Variants in RBM11 observed in about 807,000 individuals in gnomAD.
RBM11 encodes the protein RNA binding motif protein 11.
In RBM11, 18 loss-of-function variants were observed where a neutral mutation model predicts 21.4. The ratio of observed to expected loss-of-function variants is 0.84; its 90% CI spans 0.58 to 1.25. The LOEUF is 1.25. RBM11 is among the 50% of genes most tolerant of loss of function. The pLI, the probability that RBM11 is intolerant of heterozygous loss-of-function variation, is 0.00. For synonymous variants in RBM11, 120 were observed against 116.3 expected, an observed-to-expected ratio of 1.03 and a Z score of -0.20; for missense variants, 294 against 331.9, an observed-to-expected ratio of 0.89 and a Z score of 0.89.
rs1393985895 is a variant in RBM11 at position 14,228,301 on chromosome 21, T to A, written c.*1008T>A. On this transcript the variant is annotated 3_prime_UTR_variant, in exon 5 of 5. Transcript: ENST00000400577. Reference sequence around the variant, plus strand: ...CAATAGTAAAAGCCATGCTTGGATGTTTCTTTTGCATGTTGCCTAGCATTT... The same window carrying A: ...CAATAGTAAAAGCCATGCTTGGATGATTCTTTTGCATGTTGCCTAGCATTT... 1 of 152,148 alleles carries A rather than the reference T, an allele frequency of 6.6e-6. No individual in the cohort carries two copies. The highest frequency in any genetic ancestry group is 2.4e-5 in the African/African-American group (1 of 41,438). 9.4% of individuals were successfully genotyped at this position (152,148 alleles called of 1,614,324 possible). A position where few individuals can be genotyped will look rare whatever the true frequency, so the allele number is the denominator to read the frequency against.
chr21:14,224,210 G>A (rs1321025149), intron 3 of RBM11, among the ~76,000 whole-genome samples: 1 of 152,040 alleles, frequency 6.6e-6, no homozygotes, highest in African/African-American at 2.4e-5. Context: ...TATCTGCAGT[G>A]ACCCTTTTTC....
chr21:14,220,117 G>T (rs1039203201), intron 2 of RBM11, among the ~76,000 whole-genome samples: 2 of 152,068 alleles, frequency 1.3e-5, no homozygotes, highest in African/African-American at 4.8e-5. Context: ...TGTACTATTT[G>T]GAAGATAGAG....
rs777933611 is a variant in RBM11 at position 14,227,197 on chromosome 21, A to G, written c.750A>G (p.Gln250=). ...DLYQMNKRKR[Q]KQTSDSDSST... is the part of the protein sequence containing the mutation. ...ATCAGATGAATAAACGAAAGAGACA[A>G]AAGCAAACAAGTGATAGTGATAGTA... Residue 250 remains glutamine (Q), a synonymous_variant, in exon 5 of 5, where the codon CAA becomes CAG. Transcript: ENST00000400577. 6.8e-6 allele frequency: 11 copies of G among 1,613,960 alleles called. No individual in the cohort carries two copies. Among genetic ancestry groups the G allele is most frequent in the Middle Eastern group, 1.6e-4 (1 of 6,084 alleles).
intron 3 of RBM11, among the ~76,000 whole-genome samples, chr21:14,221,910 C>T (rs1021103596): frequency 3.3e-5 from 5 of 152,320 alleles, no homozygotes; most frequent in Admixed American, 3.3e-4. Flanking sequence ...TGCCCTGTTT[C>T]TCTCTGCTGT....
rs754410372 is a variant in RBM11, at chr21:14,227,198, A to G, written c.751A>G (p.Lys251Glu). ...LYQMNKRKRQ[K>E]QTSDSDSSTD... is the part of the protein sequence containing the mutation. Reference sequence around the variant, plus strand: ...TCAGATGAATAAACGAAAGAGACAAAAGCAAACAAGTGATAGTGATAGTAG... The same window carrying G: ...TCAGATGAATAAACGAAAGAGACAAGAGCAAACAAGTGATAGTGATAGTAG... The change falls in exon 5 of 5, where the codon AAG (lysine) becomes GAG (glutamate). Residue 251 changes from lysine (K) to glutamate (E), a missense_variant. This residue lies in a region of RBM11 where 113 missense variants were observed against 167.3 expected (regional missense o/e 0.68). Coordinates refer to ENST00000400577, the MANE Select transcript of RBM11 (RefSeq NM_144770.5). The G allele has an allele frequency of 3.7e-6, 6 of 1,614,064 alleles. No homozygotes were observed. The highest frequency in any genetic ancestry group is 5.1e-6 in the Non-Finnish European group (6 of 1,179,902).
chr21:14,224,483 T>C lies in RBM11; in HGVS notation c.378T>C (p.Tyr126=). 1 of 1,562,932 alleles carries C rather than the reference T, an allele frequency of 6.4e-7. No homozygotes were observed. The highest frequency in any genetic ancestry group is 1.2e-5 in the South Asian group (1 of 84,744). ...LVGRSSFPMQ[Y]FPINNTSLPQ... ...GCAGATCTTCCTTTCCCATGCAGTA[T>C]TTTCCAATTAATAATACTTCTTTAC... The change falls in exon 4 of 5, where the codon TAT becomes TAC. Residue 126 remains tyrosine (Y), a synonymous_variant. Transcript: ENST00000400577.
intron 2 of RBM11, 41 bp downstream of exon 2, chr21:14,219,766 T>C: frequency 1.3e-6 from 2 of 1,511,230 alleles, no homozygotes; most frequent in Non-Finnish European, 9.0e-7. Flanking sequence ...TGTTTTGTGG[T>C]TGGTACTATT....
At chr21:14,221,749 T>C (rs1333145465) in intron 3 of RBM11, among the ~76,000 whole-genome samples, 1 of 152,168 alleles carries the variant, frequency 6.6e-6, no homozygotes, top group Non-Finnish European at 1.5e-5. Context: ...CCACACCAAA[T>C]GAAAATGTTC....
chr21:14,223,358 C>A (rs1248354018), intron 3 of RBM11, among the ~76,000 whole-genome samples: 1 of 152,084 alleles, frequency 6.6e-6, no homozygotes, highest in Non-Finnish European at 1.5e-5. Flanking sequence ...TTTCTTGTAC[C>A]TTCTGCTTTT....
intron 3 of RBM11, among the ~76,000 whole-genome samples, chr21:14,223,544 C>T (rs1458349919): frequency 1.3e-5 from 2 of 152,144 alleles, no homozygotes; most frequent in Non-Finnish European, 2.9e-5. Flanking sequence ...TTTCATGCTT[C>T]TGGTGGTTTG....
chr21:14,220,006 T>C (rs1978522404), intron 2 of RBM11, among the ~76,000 whole-genome samples: 1 of 152,168 alleles, frequency 6.6e-6, no homozygotes, highest in Admixed American at 6.6e-5. Context: ...TTGGCCCTTA[T>C]AAATTGAGCA....
At chr21:14,220,520 A>G (rs1978581732) in intron 2 of RBM11, among the ~76,000 whole-genome samples, 1 of 152,216 alleles carries the variant, frequency 6.6e-6, no homozygotes, top group South Asian at 2.1e-4. Context: ...ATTGCAAAGC[A>G]AAAGTGCGTC....
intron 2 of RBM11, among the ~76,000 whole-genome samples, chr21:14,220,488 C>A (rs976634283): frequency 1.1e-4 from 17 of 152,136 alleles, no homozygotes; most frequent in African/African-American, 3.6e-4. Context: ...CAAACAAATA[C>A]TAATAACAAA....
At chr21:14,220,990 A>G (rs747131520) in intron 2 of RBM11, 107 bp from the exon 3 acceptor site, 13 of 1,144,738 alleles carry the variant, frequency 1.1e-5, no homozygotes, top group Non-Finnish European at 1.4e-5. Flanking sequence ...ACAGAATTTT[A>G]AAATCACTAC....
rs189485225 is a variant in RBM11 at position 14,227,673 on chromosome 21, A to G, written c.*380A>G. ...AACACTCAACTACAAATAGGCTGGG[A>G]TTCAATGTGGAGTGGTGGATTTCCT... On this transcript the variant is annotated 3_prime_UTR_variant, in exon 5 of 5. Coordinates refer to ENST00000400577, the MANE Select transcript of RBM11 (RefSeq NM_144770.5). 1.1e-4 allele frequency: 19 copies of G among 180,218 alleles called. No homozygotes were observed. The East Asian group carries it at 2.8e-3, about 26-fold the overall frequency. 11.2% of individuals were successfully genotyped at this position (180,218 alleles called of 1,614,324 possible). A position where few individuals can be genotyped will look rare whatever the true frequency, so the allele number is the denominator to read the frequency against.
chr21:14,226,831 C>T, intron 4 of RBM11, 49 bp from the exon 5 acceptor site: 1 of 1,551,976 alleles, frequency 6.4e-7, no homozygotes, highest in Admixed American at 2.0e-5. Flanking sequence ...AATTTTTTTT[C>T]CTTAACCTTT....
chr21:14,228,033 A>G lies in RBM11; in HGVS notation c.*740A>G, dbSNP rs1033708836. 1.3e-5 allele frequency: 2 copies of G among 152,220 alleles called. No individual in the cohort carries two copies. Among genetic ancestry groups the G allele is most frequent in the African/African-American group, 4.8e-5 (2 of 41,466 alleles). 9.4% of individuals were successfully genotyped at this position (152,220 alleles called of 1,614,324 possible). A position where few individuals can be genotyped will look rare whatever the true frequency, so the allele number is the denominator to read the frequency against. Reference sequence around the variant, plus strand: ...TTTTGCTAGCAAGGTTTGAGATGCTATATTAACATTTAAATCATGAAAATG... The same window carrying G: ...TTTTGCTAGCAAGGTTTGAGATGCTGTATTAACATTTAAATCATGAAAATG... On this transcript the variant is annotated 3_prime_UTR_variant, in exon 5 of 5. Coordinates refer to ENST00000400577, the MANE Select transcript of RBM11 (RefSeq NM_144770.5).
chr21:14,220,600 G>A (rs186403861), intron 2 of RBM11, among the ~76,000 whole-genome samples: 5 of 152,062 alleles, frequency 3.3e-5, no homozygotes, highest in Non-Finnish European at 7.4e-5. Flanking sequence ...GGTACTTTCT[G>A]GTTAACTTAC....
At position 14,216,424 on chromosome 21, in the gene RBM11, G is replaced by T; in HGVS notation, c.96+142G>T. 5 of 670,070 alleles carry T rather than the reference G, an allele frequency of 7.5e-6. No homozygotes were observed. In the South Asian group the frequency reaches 9.1e-5, roughly 12 times the overall value. The allele number at this position is 670,070 out of a possible 1,614,324, so 41.5% of individuals were successfully genotyped here. A position where few individuals can be genotyped will look rare whatever the true frequency, so the allele number is the denominator to read the frequency against. On this transcript the variant is annotated intron_variant, in intron 1 of 4. Coordinates refer to ENST00000400577, the MANE Select transcript of RBM11 (RefSeq NM_144770.5). ...AATTTCGTTTCCTCTTGGCGCACCT[G>T]TCTCCAGGTGAGCGGCTGGGGAGTG...
Sources: gnomAD v4.1 joint callset for allele counts (sites outside exome capture counted in the v4.1 genomes callset) on GRCh38, gnomAD v4.1.1 for gene constraint, gnomAD v4.1.1 regional missense constraint, MANE v1.5 for transcripts, NCBI Gene and HGNC (gene_info 2026-07-23, HGNC 2026-07-21) for gene names.